GLIS3: variants seen among roughly 807,000 people sequenced by gnomAD.
GLIS3 encodes zinc finger protein GLIS3.
A neutral mutation model predicts 78.6 loss-of-function variants in GLIS3; 53 were observed. The observed-to-expected ratio is 0.67, with a 90% confidence interval of 0.54 to 0.85. The LOEUF (loss-of-function observed/expected upper bound fraction) is 0.85, where lower values mean the gene tolerates loss of function less well. GLIS3 is among the 40% of genes least tolerant of loss of function. GLIS3 has a pLI of 0.00. For missense variants in GLIS3, 1,703 were observed against 1,231.1 expected (o/e 1.38, Z -5.74); for synonymous variants, 684 against 509.9 (o/e 1.34, Z -4.60).
At chr9:4,376,179 G>T in the GLIS3 span, among the ~76,000 whole-genome samples, 20 of 152,308 alleles carry the variant, frequency 1.3e-4, no homozygotes, top group South Asian at 3.1e-3. Flanking sequence ...CATGACTCTG[G>T]TGGAGAGATT....
At chr9:4,353,936 T>C in the GLIS3 span, among the ~76,000 whole-genome samples, 1 of 151,598 alleles carries the variant, frequency 6.6e-6, no homozygotes, top group Non-Finnish European at 1.5e-5. Flanking sequence ...CACGCCATTC[T>C]CCTGCCTCAG....
Position 4,286,327 on chromosome 9 carries a change from G to C in GLIS3, c.99C>G (p.Ala33=), listed in dbSNP as rs1295252472. 3.1e-6 allele frequency: 5 copies of C among 1,614,082 alleles called. No individual in the cohort carries two copies. Among genetic ancestry groups the C allele is most frequent in the Non-Finnish European group, 4.2e-6 (5 of 1,180,030 alleles). Reference sequence around the variant, plus strand: ...GCGAGGGGCCAGGAGTCCCGGAGTGGGCTCGGATGGCAGGAATGTGATGAC... The same window carrying C: ...GCGAGGGGCCAGGAGTCCCGGAGTGCGCTCGGATGGCAGGAATGTGATGAC... ...VSGHHIPAIR[A]HSGTPGPSPC... Residue 33 remains alanine, a synonymous_variant, in exon 2 of 11, where the codon GCC becomes GCG. Transcript: ENST00000381971.
chr9:4,229,557 A>G (rs970568143), intron 2 of GLIS3, among the ~76,000 whole-genome samples: 3 of 152,236 alleles, frequency 2.0e-5, no homozygotes, highest in African/African-American at 7.2e-5. Context: ...TTCACGGTAC[A>G]TTTAAAAGTG....
intron 2 of GLIS3, among the ~76,000 whole-genome samples, chr9:4,331,113 C>A (rs1431985335): frequency 8.4e-6 from 1 of 119,682 alleles, no homozygotes; most frequent in Non-Finnish European, 2.0e-5. Flanking sequence ...GAAATGTATT[C>A]TGTTACAGTT....
chr9:4,193,753 G>A (rs893618169), intron 2 of GLIS3, among the ~76,000 whole-genome samples: 2 of 152,246 alleles, frequency 1.3e-5, no homozygotes, highest in Admixed American at 1.3e-4. Context: ...TGTCTGTGCA[G>A]ATGTCTTAGA....
the GLIS3 span, among the ~76,000 whole-genome samples, chr9:4,481,606 A>G: frequency 6.6e-6 from 1 of 152,074 alleles, no homozygotes; most frequent in South Asian, 2.1e-4. Flanking sequence ...CAAAGCTAAA[A>G]TATGCTTTTC....
the GLIS3 span, among the ~76,000 whole-genome samples, chr9:4,406,384 G>T: frequency 8.5e-5 from 13 of 152,240 alleles, no homozygotes; most frequent in East Asian, 2.3e-3. Context: ...GCAATTGTGC[G>T]ATCTTGGCTT....
intron 4 of GLIS3, among the ~76,000 whole-genome samples, chr9:4,027,516 T>C (rs545362283): frequency 6.6e-6 from 1 of 152,318 alleles, no homozygotes; most frequent in South Asian, 2.1e-4. Context: ...GCTCTTTTTT[T>C]CTCCCAATTC....
chr9:4,322,196 A>G (rs1406412617), intron 2 of GLIS3, among the ~76,000 whole-genome samples: 1 of 152,182 alleles, frequency 6.6e-6, no homozygotes, highest in Non-Finnish European at 1.5e-5. Context: ...TGTCCCTACA[A>G]AGGACATGAA....
At chr9:4,462,671 G>T in the GLIS3 span, among the ~76,000 whole-genome samples, 2 of 150,948 alleles carry the variant, frequency 1.3e-5, no homozygotes, top group Non-Finnish European at 2.9e-5. Flanking sequence ...ACATTAGCTG[G>T]GTGTGTTGTA....
the GLIS3 span, among the ~76,000 whole-genome samples, chr9:4,363,930 G>T: frequency 1.3e-5 from 2 of 152,170 alleles, no homozygotes; most frequent in African/African-American, 2.4e-5. Flanking sequence ...GAGGAAGCAG[G>T]GTGGGACTCC....
At chr9:3,843,723 A>G (rs1033541227) in intron 9 of GLIS3, among the ~76,000 whole-genome samples, 5 of 152,358 alleles carry the variant, frequency 3.3e-5, no homozygotes, top group South Asian at 2.1e-4. Flanking sequence ...AAAATACCAC[A>G]TCAGCCCAGA....
intron 4 of GLIS3, among the ~76,000 whole-genome samples, chr9:4,077,048 G>C (rs549782411): frequency 2.6e-4 from 39 of 152,190 alleles, no homozygotes; most frequent in African/African-American, 8.0e-4. Context: ...GAGAGACCAA[G>C]ACCTTGTCTA....
chr9:3,922,889 G>C (rs1261855702), intron 6 of GLIS3, among the ~76,000 whole-genome samples: 2 of 152,156 alleles, frequency 1.3e-5, no homozygotes, highest in African/African-American at 4.8e-5. Flanking sequence ...AGAATAATGG[G>C]TTGCCAAGCA....
chr9:4,020,363 G>C (rs1049995923), intron 4 of GLIS3, among the ~76,000 whole-genome samples: 4 of 152,068 alleles, frequency 2.6e-5, no homozygotes, highest in African/African-American at 7.2e-5. Context: ...TGGGTGCTGT[G>C]AGCACACTGC....
chr9:4,183,959 C>T (rs1365498289), intron 2 of GLIS3, among the ~76,000 whole-genome samples: 1 of 152,126 alleles, frequency 6.6e-6, no homozygotes, highest in Non-Finnish European at 1.5e-5. Flanking sequence ...ATTAGCTGTA[C>T]TTGCAATTTA....
upstream of GLIS3, among the ~76,000 whole-genome samples, chr9:4,303,337 G>C (rs1489012257): frequency 1.3e-5 from 2 of 151,986 alleles, no homozygotes; most frequent in Non-Finnish European, 2.9e-5. Flanking sequence ...GAAAAAGTTA[G>C]TGTTTGCCAA....
rs540331248 is a variant in GLIS3, at chr9:4,252,108, T to C, written c.388+33930A>G. ...TTGGGGTTGCTCTTCTCAAGGAGTA[T>C]CTTTGTGGTGTTCTCTGTATTTCCA... On this transcript the variant is annotated intron_variant, in intron 2 of 10. Coordinates refer to ENST00000381971, the MANE Select transcript of GLIS3 (RefSeq NM_001042413.2). Among the ~76,000 whole-genome samples, 35 of 152,280 alleles carry C rather than the reference T, an allele frequency of 2.3e-4. No homozygotes were observed. In the South Asian group the frequency reaches 7.0e-3, roughly 31 times the overall value.
the GLIS3 span, among the ~76,000 whole-genome samples, chr9:4,363,423 A>T: frequency 6.6e-6 from 1 of 152,218 alleles, no homozygotes; most frequent in African/African-American, 2.4e-5. Flanking sequence ...GAAGCAAAGA[A>T]GGTTTTCAAT....
Sources: gnomAD v4.1 joint callset for allele counts (sites outside exome capture counted in the v4.1 genomes callset) on GRCh38, gnomAD v4.1.1 for gene constraint, MANE v1.5 for transcripts, NCBI Gene and HGNC (gene_info 2026-07-23, HGNC 2026-07-21) for gene names.